PDE9A: variants seen among roughly 807,000 people sequenced by gnomAD.
PDE9A encodes the protein phosphodiesterase 9A, also known as high affinity cGMP-specific 3',5'-cyclic phosphodiesterase 9A.
PDE9A carries 60 observed loss-of-function variants against 87.4 expected under a neutral mutation model. The ratio of observed to expected loss-of-function variants is 0.69; its 90% CI spans 0.56 to 0.85. PDE9A has a LOEUF of 0.85. Among genes scored for constraint, PDE9A ranks in the 40% least tolerant of loss-of-function variants. The probability of loss-of-function intolerance (pLI) is 0.00; values close to 1 mark genes in which losing one functional copy is unlikely to be tolerated. For synonymous variants in PDE9A, 272 were observed against 279.4 expected (o/e 0.97, Z 0.27); for missense variants, 665 against 779.0 (o/e 0.85, Z 1.74).
chr21:42,698,470 C>T (rs2146315209), intron 3 of PDE9A, among the ~76,000 whole-genome samples: 1 of 152,288 alleles, frequency 6.6e-6, no homozygotes, highest in South Asian at 2.1e-4. Context: ...AGTATTCTCT[C>T]CCCATCACGC....
chr21:42,721,980 T>C (rs2146595003), intron 4 of PDE9A, among the ~76,000 whole-genome samples: 1 of 90,782 alleles, frequency 1.1e-5, no homozygotes, highest in Admixed American at 9.5e-5. Flanking sequence ...TATTTTTCTT[T>C]TCTTTTTTTT....
intron 7 of PDE9A, among the ~76,000 whole-genome samples, chr21:42,737,548 C>G (rs187836707): frequency 3.5e-4 from 54 of 152,302 alleles, no homozygotes; most frequent in African/African-American, 1.2e-3. Context: ...CAACCTCTGC[C>G]CCCCGAAGAC....
intron 4 of PDE9A, among the ~76,000 whole-genome samples, chr21:42,710,686 G>A (rs1447023755): frequency 6.6e-6 from 1 of 152,124 alleles, no homozygotes; most frequent in Non-Finnish European, 1.5e-5. Flanking sequence ...TGTAGTGTCT[G>A]TTCAACAATA....
rs751192454 is a variant in PDE9A, at chr21:42,698,967, G to T, written c.219-1G>T. 4 of 1,611,966 alleles carry T rather than the reference G, an allele frequency of 2.5e-6. No individual in the cohort carries two copies. The South Asian group carries it at 4.4e-5, about 18-fold the overall frequency. ...CAGCGGCACTGTCTTCTCTTTTGCAGCACTCCGTACAAAGTGAGACCTGTG... is the reference window on the plus strand; with the variant it reads ...CAGCGGCACTGTCTTCTCTTTTGCATCACTCCGTACAAAGTGAGACCTGTG... On this transcript the variant is annotated splice_acceptor_variant, in intron 3 of 19. Transcript: ENST00000291539. LOFTEE classifies it high-confidence loss of function.
intron 14 of PDE9A, among the ~76,000 whole-genome samples, chr21:42,763,789 G>A (rs184336358): frequency 6.8e-4 from 104 of 152,296 alleles, no homozygotes; most frequent in African/African-American, 1.5e-3. Flanking sequence ...CCCTCCAGGC[G>A]TGCTGCTGAG....
At position 42,694,578 on chromosome 21, in the gene PDE9A, A is replaced by G. The variant is rs2060044506; in HGVS notation, c.219-4390A>G. The stretch of plus-strand genomic sequence containing the variant: ...TCTTCTCTGCTCCTCATTCCAAACT[A>G]AACAAATTGTTGCATTGGATTATTC... On this transcript the variant is annotated intron_variant, in intron 3 of 19. Coordinates refer to ENST00000291539, the MANE Select transcript of PDE9A (RefSeq NM_002606.3). This position sits in a 1 kb window ranked among gnomAD's most constrained non-coding sequence, Gnocchi z 5.3. 6.6e-6 allele frequency among the ~76,000 whole-genome samples: 1 copy of G among 152,130 alleles called. No individual in the cohort carries two copies. The highest frequency in any genetic ancestry group is 2.4e-5 in the African/African-American group (1 of 41,410).
chr21:42,670,647 T>C (rs2058488866), intron 1 of PDE9A, among the ~76,000 whole-genome samples: 1 of 150,632 alleles, frequency 6.6e-6, no homozygotes, highest in Non-Finnish European at 1.5e-5. Context: ...TTACAAACTA[T>C]CATTCACACA....
intron 4 of PDE9A, among the ~76,000 whole-genome samples, chr21:42,717,032 G>A (rs569793657): frequency 4.0e-5 from 6 of 151,494 alleles, no homozygotes; most frequent in East Asian, 1.9e-4. Flanking sequence ...GATTATAGGC[G>A]TGATTATAGG....
intron 7 of PDE9A, among the ~76,000 whole-genome samples, chr21:42,736,055 C>T (rs563951200): frequency 6.6e-6 from 1 of 152,142 alleles, no homozygotes; most frequent in East Asian, 1.9e-4. Flanking sequence ...TGCAGATGCC[C>T]GCGGGCAGCA....
chr21:42,657,510 T>C (rs924431858), intron 1 of PDE9A, among the ~76,000 whole-genome samples: 4 of 152,160 alleles, frequency 2.6e-5, no homozygotes, highest in Admixed American at 2.6e-4. Flanking sequence ...GCCCCTACCC[T>C]GGGGGGCCCT....
chr21:42,738,514 C>T (rs962273428), intron 7 of PDE9A, among the ~76,000 whole-genome samples: 8 of 152,018 alleles, frequency 5.3e-5, no homozygotes, highest in South Asian at 2.1e-4. Flanking sequence ...ACCCCCAGCT[C>T]GGCTCTCCCC....
At chr21:42,703,295 T>G (rs2048528301) in intron 4 of PDE9A, among the ~76,000 whole-genome samples, 1 of 152,162 alleles carries the variant, frequency 6.6e-6, no homozygotes, top group African/African-American at 2.4e-5. Context: ...TGGATGGTGT[T>G]GAAGTCTGGG....
At chr21:42,728,968 C>T (rs1312282082) in intron 4 of PDE9A, among the ~76,000 whole-genome samples, 2 of 148,160 alleles carry the variant, frequency 1.3e-5, no homozygotes, top group African/African-American at 5.0e-5. Context: ...CCACTGCACT[C>T]CAGCTTGGGG....
In PDE9A at chr21:42,705,412, G is replaced by A. The variant is rs537457409; in HGVS notation, c.262+6401G>A. On this transcript the variant is annotated intron_variant, in intron 4 of 19. Transcript: ENST00000291539. This position sits in a 1 kb window ranked among gnomAD's most constrained non-coding sequence, Gnocchi z 4.3. The stretch of plus-strand genomic sequence containing the variant: ...TAAAACACAGATCTCAGCTGATGGC[G>A]GTTGACGGGTGTCCCCCGAGTGCCC... Among the ~76,000 whole-genome samples the A allele has an allele frequency of 5.3e-5, 8 of 152,258 alleles. No individual in the cohort carries two copies. Among genetic ancestry groups the A allele is most frequent in the South Asian group, 4.1e-4 (2 of 4,824 alleles).
At chr21:42,754,288 G>T (rs1230368477) in intron 10 of PDE9A, among the ~76,000 whole-genome samples, 1 of 152,202 alleles carries the variant, frequency 6.6e-6, no homozygotes, top group African/African-American at 2.4e-5. Context: ...TCTGTGAGTG[G>T]GGGAGACGGC....
intron 17 of PDE9A, among the ~76,000 whole-genome samples, chr21:42,770,094 C>A (rs1313816845): frequency 6.6e-6 from 1 of 152,096 alleles, no homozygotes; most frequent in Non-Finnish European, 1.5e-5. Flanking sequence ...GCTGTGAAGC[C>A]CCTGTCCAGC....
intron 4 of PDE9A, among the ~76,000 whole-genome samples, chr21:42,716,283 A>G (rs999988934): frequency 6.6e-6 from 1 of 151,784 alleles, no homozygotes; most frequent in African/African-American, 2.4e-5. Context: ...TGGTAACAGC[A>G]TGTTTAGTTT....
intron 8 of PDE9A, among the ~76,000 whole-genome samples, chr21:42,746,222 G>T (rs1312474064): frequency 6.6e-6 from 1 of 152,238 alleles, no homozygotes; most frequent in Non-Finnish European, 1.5e-5. Context: ...CACTAGTCCT[G>T]CAGGTCAGGT....
chr21:42,770,816 G>GAGAAA lies in PDE9A; in HGVS notation c.1686+20_1686+21insAAAAG. The GAGAAA allele has an allele frequency of 6.3e-7, 1 of 1,591,360 alleles. No homozygotes were observed. The highest frequency in any genetic ancestry group is 8.6e-7 in the Non-Finnish European group (1 of 1,159,374). On this transcript the variant is annotated intron_variant, in intron 18 of 19. Transcript: ENST00000291539. The stretch of plus-strand genomic sequence containing the variant: ...TGAAAGAGGTAAAACACACTGAGAA[G>GAGAAA]AGCCTGCCTTCCTTGCGGCAAGCAG...
Sources: allele counts gnomAD v4.1 joint callset (sites outside exome capture counted in the v4.1 genomes callset), GRCh38; gene constraint gnomAD v4.1.1; non-coding constraint Gnocchi (gnomAD v3.1); transcripts MANE v1.5; gene names NCBI Gene and HGNC (gene_info 2026-07-23, HGNC 2026-07-21).